FAM210A: variants seen among roughly 807,000 people sequenced by gnomAD.
FAM210A encodes family with sequence similarity 210 member A.
Under a neutral mutation model 25.3 loss-of-function variants are expected in FAM210A, and 13 were observed. The ratio of observed to expected loss-of-function variants is 0.51; its 90% CI spans 0.33 to 0.82. The LOEUF (loss-of-function observed/expected upper bound fraction) is 0.82, where lower values mean the gene tolerates loss of function less well. FAM210A is among the 40% of genes least tolerant of loss of function. FAM210A has a pLI of 0.02. For synonymous variants in FAM210A, 125 were observed against 118.7 expected (o/e 1.05, Z -0.35); for missense variants, 319 against 323.2 (o/e 0.99, Z 0.10).
At chr18:13,719,028 T>C (rs1053363165) in intron 1 of FAM210A, among the ~76,000 whole-genome samples, 3 of 152,216 alleles carry the variant, frequency 2.0e-5, no homozygotes, top group Admixed American at 6.5e-5. Flanking sequence ...TTTACAGTGA[T>C]GAAGATGGCA....
At chr18:13,725,618 T>C (rs1389870140) in intron 1 of FAM210A, among the ~76,000 whole-genome samples, 1 of 152,222 alleles carries the variant, frequency 6.6e-6, no homozygotes, top group African/African-American at 2.4e-5. Context: ...GGTGGGGACT[T>C]GACGCACGAC....
chr18:13,673,321 C>G (rs1348519409), intron 2 of FAM210A, among the ~76,000 whole-genome samples: 1 of 144,310 alleles, frequency 6.9e-6, no homozygotes, highest in Non-Finnish European at 1.5e-5. Flanking sequence ...TGATTATTAA[C>G]ATTCCTGAAC....
chr18:13,675,050 G>C (rs1381076862), intron 2 of FAM210A, among the ~76,000 whole-genome samples: 18 of 77,072 alleles, frequency 2.3e-4, no homozygotes, highest in East Asian at 5.8e-4. Flanking sequence ...CCTGTTTCCT[G>C]ATTATTAACA....
chr18:13,718,291 A>G (rs1360129792), intron 1 of FAM210A, among the ~76,000 whole-genome samples: 1 of 152,202 alleles, frequency 6.6e-6, no homozygotes, highest in African/African-American at 2.4e-5. Flanking sequence ...TTACCTTCTC[A>G]AAGTCTTTGT....
intron 1 of FAM210A, among the ~76,000 whole-genome samples, chr18:13,698,172 G>A (rs1301688783): frequency 6.6e-6 from 1 of 151,842 alleles, no homozygotes; most frequent in East Asian, 1.9e-4. Context: ...GCCCAACATG[G>A]TAAAACCCTG....
intron 1 of FAM210A, among the ~76,000 whole-genome samples, chr18:13,696,103 T>C (rs903946193): frequency 6.6e-6 from 1 of 152,194 alleles, no homozygotes; most frequent in Non-Finnish European, 1.5e-5. Context: ...AATGGAGAGA[T>C]AGTCTACATT....
chr18:13,690,420 C>T (rs148307122), intron 1 of FAM210A, among the ~76,000 whole-genome samples: 1,902 of 152,318 alleles, frequency 0.012, 44 homozygotes, highest in African/African-American at 0.04. Flanking sequence ...TCTCCCAGCA[C>T]GGAGTTTGAG....
chr18:13,684,753 C>T (rs1268116644), intron 1 of FAM210A, among the ~76,000 whole-genome samples: 2 of 152,192 alleles, frequency 1.3e-5, no homozygotes, highest in African/African-American at 4.8e-5. Context: ...CAGCAGAATA[C>T]ACATTCCACT....
intron 2 of FAM210A, among the ~76,000 whole-genome samples, chr18:13,676,348 C>T (rs143532400): frequency 1.6e-5 from 2 of 126,386 alleles, no homozygotes; most frequent in Non-Finnish European, 1.9e-5. Context: ...TTCCTGAGCC[C>T]CTGACCTCTT....
At chr18:13,684,093 A>C (rs1022963827) in intron 1 of FAM210A, among the ~76,000 whole-genome samples, 1 of 152,212 alleles carries the variant, frequency 6.6e-6, no homozygotes, top group African/African-American at 2.4e-5. Flanking sequence ...GCTCCCAAGA[A>C]GTCTTTTAAA....
intron 1 of FAM210A, among the ~76,000 whole-genome samples, chr18:13,725,436 C>T (rs903691354): frequency 6.6e-6 from 1 of 152,184 alleles, no homozygotes; most frequent in South Asian, 2.1e-4. Context: ...GAAAGCACAA[C>T]GCTGCAAATG....
At chr18:13,680,836 A>G (rs1787869) in intron 2 of FAM210A, among the ~76,000 whole-genome samples, 139,959 of 151,972 alleles carry the variant, frequency 0.92, 64,497 homozygotes, top group East Asian at 0.97. Flanking sequence ...TGGTCCTCCT[A>G]AGCCTAAAGC....
intron 1 of FAM210A, among the ~76,000 whole-genome samples, chr18:13,698,351 CAAA>C (rs11464991): frequency 6.9e-5 from 5 of 72,926 alleles, no homozygotes; most frequent in African/African-American, 2.7e-4. Context: ...GACTCCATCT[CAAA>C]AAAAAAAAAA....
chr18:13,694,451 ACCTG>A (rs2043675628), intron 1 of FAM210A, among the ~76,000 whole-genome samples: 1 of 152,252 alleles, frequency 6.6e-6, no homozygotes, highest in Non-Finnish European at 1.5e-5. Context: ...GCATCATGCT[ACCTG>A]ACTTCAAACT....
chr18:13,693,698 T>C (rs2149062177), intron 1 of FAM210A, among the ~76,000 whole-genome samples: 1 of 152,352 alleles, frequency 6.6e-6, no homozygotes, highest in Middle Eastern at 3.4e-3. Context: ...TCAACAGCCC[T>C]TCATGCTAAA....
intron 1 of FAM210A, among the ~76,000 whole-genome samples, chr18:13,722,134 C>T (rs1359433292): frequency 6.6e-6 from 1 of 151,976 alleles, no homozygotes; most frequent in Non-Finnish European, 1.5e-5. Flanking sequence ...GAGATCAAGT[C>T]AGAATTCAGT....
At chr18:13,696,089 A>T (rs2043691015) in intron 1 of FAM210A, among the ~76,000 whole-genome samples, 1 of 152,226 alleles carries the variant, frequency 6.6e-6, no homozygotes, top group Non-Finnish European at 1.5e-5. Context: ...CAAAGGTCTA[A>T]ATAAATGGAG....
Position 13,674,917 on chromosome 18 carries a change from A to G in FAM210A, c.474-2944T>C, listed in dbSNP as rs1219233871. Among the ~76,000 whole-genome samples, 48 of 145,124 alleles carry G rather than the reference A, an allele frequency of 3.3e-4. 1 individual carries two copies. The South Asian group carries it at 9.9e-3, about 30-fold the overall frequency. On this transcript the variant is annotated intron_variant, in intron 2 of 3. Coordinates refer to ENST00000651643, the MANE Select transcript of FAM210A (RefSeq NM_152352.4). ...CGACTTCTTTATTTCCAGTTTCCTGATTATTAACATTCCTGAGCCGTGACT... is the reference window on the plus strand; with the variant it reads ...CGACTTCTTTATTTCCAGTTTCCTGGTTATTAACATTCCTGAGCCGTGACT...
intron 1 of FAM210A, among the ~76,000 whole-genome samples, chr18:13,694,755 A>G (rs1219382758): frequency 3.9e-5 from 6 of 152,272 alleles, no homozygotes; most frequent in Middle Eastern, 3.2e-3. Context: ...ACCTAAAACC[A>G]TAAAAACCCT....
Sources: allele counts gnomAD v4.1 joint callset (sites outside exome capture counted in the v4.1 genomes callset), GRCh38; gene constraint gnomAD v4.1.1; transcripts MANE v1.5; gene names NCBI Gene and HGNC (gene_info 2026-07-23, HGNC 2026-07-21).